The following PRKCB variants were observed in gnomAD, a reference collection of about 807,000 sequenced individuals.
PRKCB encodes the protein protein kinase C beta type.
A neutral mutation model predicts 81.5 loss-of-function variants in PRKCB; 13 were observed. The observed-to-expected ratio is 0.16, with a 90% confidence interval of 0.10 to 0.25. The LOEUF (loss-of-function observed/expected upper bound fraction) is 0.25. Ranked by LOEUF, PRKCB falls within the 10% of genes least tolerant of loss-of-function variation. The probability of loss-of-function intolerance (pLI) is 1.00; values close to 1 mark genes in which losing one functional copy is unlikely to be tolerated. For missense variants in PRKCB, 509 were observed against 875.7 expected (o/e 0.58, Z 5.29); for synonymous variants, 335 against 321.4 (o/e 1.04, Z -0.45).
chr16:24,108,344 AATTT>A (rs1220670870), intron 7 of PRKCB, among the ~76,000 whole-genome samples: 9 of 118,456 alleles, frequency 7.6e-5, no homozygotes, highest in Non-Finnish European at 1.3e-4. Context: ...TTTTTTTTTA[AATTT>A]ATTTATTTAT....
intron 3 of PRKCB, among the ~76,000 whole-genome samples, chr16:24,009,291 T>C (rs115251846): frequency 1.6e-3 from 246 of 152,286 alleles, no homozygotes; most frequent in African/African-American, 5.6e-3. Flanking sequence ...AGGACTTGAA[T>C]AGGCAGTTGT....
chr16:24,027,385 A>C (rs996827960), intron 3 of PRKCB, among the ~76,000 whole-genome samples: 24 of 152,144 alleles, frequency 1.6e-4, no homozygotes, highest in African/African-American at 5.8e-4. Flanking sequence ...TTATGTATTC[A>C]CTTAGTCTCA....
Position 24,144,126 on chromosome 16 carries a change from GGAGAGAGAGAAAGA to G in PRKCB, c.1066-10537_1066-10524del, listed in dbSNP as rs963834087. On this transcript the variant is annotated intron_variant, in intron 9 of 16. Coordinates refer to ENST00000643927, the MANE Select transcript of PRKCB (RefSeq NM_002738.7). ...TTCCAGGAAGCAGAAAGAGAAAGTA[GGAGAGAGAGAAAGA>G]GAGAGAGAGAAAGAGAGAGACTGAG... Among the ~76,000 whole-genome samples the G allele has an allele frequency of 5.0e-3, 755 of 151,694 alleles. 6 individuals carry two copies. Among genetic ancestry groups the G allele is most frequent in the African/African-American group, 0.016 (651 of 41,316 alleles).
intron 2 of PRKCB, among the ~76,000 whole-genome samples, chr16:23,927,125 G>A (rs1963908195): frequency 1.3e-5 from 2 of 152,096 alleles, no homozygotes; most frequent in South Asian, 4.1e-4. Context: ...ATGGCTGTAA[G>A]CGCATGGTGT....
intron 2 of PRKCB, among the ~76,000 whole-genome samples, chr16:23,883,978 A>G (rs1472400022): frequency 6.6e-6 from 1 of 152,228 alleles, no homozygotes; most frequent in Non-Finnish European, 1.5e-5. Flanking sequence ...AAATATTCCC[A>G]TATCAACATG....
intron 2 of PRKCB, among the ~76,000 whole-genome samples, chr16:23,954,060 T>C (rs1964318714): frequency 6.6e-6 from 1 of 151,898 alleles, no homozygotes; most frequent in Non-Finnish European, 1.5e-5. Flanking sequence ...TTATTATTAT[T>C]ATATTTTAAG....
intron 9 of PRKCB, among the ~76,000 whole-genome samples, chr16:24,149,982 T>G (rs907478109): frequency 6.6e-6 from 1 of 152,230 alleles, no homozygotes; most frequent in African/African-American, 2.4e-5. Context: ...CTTTGTTTTT[T>G]TCCCCCTGCC....
In PRKCB at chr16:23,925,422, C is replaced by T. The variant is rs971093238; in HGVS notation, c.206-63086C>T. 3.9e-5 allele frequency among the ~76,000 whole-genome samples: 6 copies of T among 152,108 alleles called. 1 individual carries two copies. Among genetic ancestry groups the T allele is most frequent in the Non-Finnish European group, 8.8e-5 (6 of 67,958 alleles). ...TAATCACTCTCTTCCTGGACGTGAC[C>T]CTCCTCTCGTTAACCAGGATGCCTG... is the stretch of plus-strand genomic sequence containing the variant. On this transcript the variant is annotated intron_variant, in intron 2 of 16. Transcript: ENST00000643927.
At chr16:24,112,836 AC>A in intron 7 of PRKCB, 136 bp from the exon 8 acceptor site, 1 of 207,156 alleles carries the variant, frequency 4.8e-6, no homozygotes, top group Middle Eastern at 1.4e-3. Flanking sequence ...TGAAAAACAA[AC>A]CAAAACAAAC....
chr16:24,167,688 GACACATCC>G (rs1191931014), intron 10 of PRKCB, among the ~76,000 whole-genome samples: 2 of 152,152 alleles, frequency 1.3e-5, no homozygotes, highest in African/African-American at 4.8e-5. Context: ...TTGAGGGGAG[GACACATCC>G]ACACATCCAT....
chr16:23,955,850 C>A (rs1486022977), intron 2 of PRKCB, among the ~76,000 whole-genome samples: 1 of 152,184 alleles, frequency 6.6e-6, no homozygotes, highest in Non-Finnish European at 1.5e-5. Context: ...TTTGTCCCTG[C>A]ACTGACTTTT....
At chr16:24,074,287 C>T (rs1050813459) in intron 5 of PRKCB, among the ~76,000 whole-genome samples, 19 of 152,158 alleles carry the variant, frequency 1.2e-4, no homozygotes, top group African/African-American at 2.4e-4. Flanking sequence ...ACTGTGATGT[C>T]GTGCCTAAGA....
chr16:24,010,797 T>C (rs1032711219), intron 3 of PRKCB, among the ~76,000 whole-genome samples: 1 of 152,212 alleles, frequency 6.6e-6, no homozygotes, highest in African/African-American at 2.4e-5. Flanking sequence ...AGTGACTTCA[T>C]AGGCTCCTGT....
At chr16:23,922,748 G>T (rs1374034459) in intron 2 of PRKCB, among the ~76,000 whole-genome samples, 4 of 152,204 alleles carry the variant, frequency 2.6e-5, no homozygotes. Context: ...CTTAGCCACA[G>T]TAGCTCCTGC....
At chr16:23,857,729 T>TGTGTGG (rs1555478972) in intron 2 of PRKCB, among the ~76,000 whole-genome samples, 3 of 152,114 alleles carry the variant, frequency 2.0e-5, no homozygotes, top group African/African-American at 7.2e-5. Context: ...TGTGTGTGTG[T>TGTGTGG]GTGTGGGTGT....
Position 24,190,568 on chromosome 16 carries a change from A to T in PRKCB, c.1723-522A>T, listed in dbSNP as rs1967775201. On this transcript the variant is annotated intron_variant, in intron 15 of 16. Coordinates refer to ENST00000643927, the MANE Select transcript of PRKCB (RefSeq NM_002738.7). ...GAGTCTCTCTCTGTCGCCAGACTGT[A>T]GAGTGCAGTGGCGCGATCTCAGCTC... Among the ~76,000 whole-genome samples, 5 of 132,450 alleles carry T rather than the reference A, an allele frequency of 3.8e-5. No individual in the cohort carries two copies. The South Asian group carries it at 1.1e-3, about 30-fold the overall frequency. The allele number at this position is 132,450 out of a possible 152,430, so 86.9% of individuals were successfully genotyped here. A position where few individuals can be genotyped will look rare whatever the true frequency, so the allele number is the denominator to read the frequency against.
At chr16:24,177,534 G>A (rs929233896) in intron 12 of PRKCB, among the ~76,000 whole-genome samples, 4 of 152,154 alleles carry the variant, frequency 2.6e-5, no homozygotes, top group Non-Finnish European at 5.9e-5. Flanking sequence ...AGCCAGGGCA[G>A]GCACACAACC....
At chr16:23,864,907 C>G (rs1390816308) in intron 2 of PRKCB, among the ~76,000 whole-genome samples, 1 of 151,968 alleles carries the variant, frequency 6.6e-6, no homozygotes, top group Admixed American at 6.6e-5. Context: ...TCTTGGGGTC[C>G]CTAGTGTCGG....
chr16:23,981,232 G>A (rs973480106), intron 2 of PRKCB, among the ~76,000 whole-genome samples: 15 of 151,960 alleles, frequency 9.9e-5, no homozygotes, highest in Non-Finnish European at 1.9e-4. Flanking sequence ...TTTTCTAGAG[G>A]CCACCCACAT....
Sources: allele counts gnomAD v4.1 joint callset (sites outside exome capture counted in the v4.1 genomes callset), GRCh38; gene constraint gnomAD v4.1.1; transcripts MANE v1.5; gene names NCBI Gene and HGNC (gene_info 2026-07-23, HGNC 2026-07-21).